The following EYA3 variants were observed in gnomAD, a reference collection of about 807,000 sequenced individuals.
The protein encoded by EYA3 is EYA transcriptional coactivator and phosphatase 3, also known as protein phosphatase EYA3.
A neutral mutation model predicts 80.0 loss-of-function variants in EYA3; 39 were observed. The ratio of observed to expected loss-of-function variants is 0.49; its 90% CI spans 0.38 to 0.64. EYA3 has a LOEUF of 0.64. Among genes scored for constraint, EYA3 ranks in the 30% least tolerant of loss-of-function variants. The probability of loss-of-function intolerance (pLI) is 0.00; values close to 1 mark genes in which losing one functional copy is unlikely to be tolerated. For missense variants in EYA3, 523 were observed against 676.1 expected (o/e 0.77, Z 2.51); for synonymous variants, 206 against 232.8 (o/e 0.88, Z 1.05).
chr1:27,997,422 G>A, intron 12 of EYA3, 44 bp from the exon 13 acceptor site: 2 of 1,503,746 alleles, frequency 1.3e-6, no homozygotes, highest in Non-Finnish European at 1.9e-6. Context: ...GGGAGTAGAA[G>A]TGATATTACC....
intron 5 of EYA3, among the ~76,000 whole-genome samples, chr1:28,038,179 A>T (rs1643556128): frequency 6.6e-6 from 1 of 152,142 alleles, no homozygotes; most frequent in Admixed American, 6.6e-5. Context: ...GTGATGGCTC[A>T]CGACTGTAAT....
intron 13 of EYA3, 58 bp from the exon 14 acceptor site, chr1:27,993,618 A>T: frequency 6.9e-7 from 1 of 1,453,140 alleles, no homozygotes; most frequent in Non-Finnish European, 9.1e-7. Flanking sequence ...TTTTTGTTTG[A>T]GTGCTATTTG....
At chr1:28,079,482 T>C (rs571984077) in intron 1 of EYA3, among the ~76,000 whole-genome samples, 5 of 152,314 alleles carry the variant, frequency 3.3e-5, no homozygotes, top group African/African-American at 1.2e-4. Flanking sequence ...TTTTGACTAG[T>C]TGCCAAGAAC....
At chr1:27,984,414 A>G (rs116437373) in intron 16 of EYA3, among the ~76,000 whole-genome samples, 1,992 of 151,516 alleles carry the variant, frequency 0.013, 44 homozygotes, top group African/African-American at 0.045. Flanking sequence ...CTATCTTTTG[A>G]TTCTTAAAAG....
At chr1:28,001,810 A>T (rs1403989219) in intron 11 of EYA3, among the ~76,000 whole-genome samples, 1 of 148,674 alleles carries the variant, frequency 6.7e-6, no homozygotes, top group Non-Finnish European at 1.5e-5. Context: ...GGCTCACTGC[A>T]ACCTCCACCT....
chr1:27,986,172 C>T (rs1639641030), intron 16 of EYA3, among the ~76,000 whole-genome samples: 1 of 151,800 alleles, frequency 6.6e-6, no homozygotes, highest in Non-Finnish European at 1.5e-5. Context: ...TCAAGACCAA[C>T]CTGACCAACA....
chr1:28,013,300 G>A lies in EYA3; in HGVS notation c.586-6C>T. On this transcript the variant is annotated splice_region_variant and splice_polypyrimidine_tract_variant and intron_variant, in intron 8 of 17. Transcript: ENST00000373871. The surrounding 1 kb of genome is among the most constrained non-coding windows in gnomAD (Gnocchi z 4.0). Reference sequence around the variant, plus strand: ...ATAGTATAGGTGGGATAATCCTGCAGGCCAAAGGAAATAAGAAAACAAGAC... The same window carrying A: ...ATAGTATAGGTGGGATAATCCTGCAAGCCAAAGGAAATAAGAAAACAAGAC... The A allele has an allele frequency of 6.3e-7, 1 of 1,595,890 alleles. No homozygotes were observed. Among genetic ancestry groups the A allele is most frequent in the Non-Finnish European group, 8.5e-7 (1 of 1,171,264 alleles).
chr1:28,056,589 T>G (rs894426010), intron 2 of EYA3, among the ~76,000 whole-genome samples: 5 of 152,242 alleles, frequency 3.3e-5, no homozygotes, highest in Non-Finnish European at 7.3e-5. Flanking sequence ...CAACCATTTA[T>G]AGTCAGCAGA....
At chr1:28,042,845 G>T (rs534852659) in intron 3 of EYA3, among the ~76,000 whole-genome samples, 195 bp from the exon 4 acceptor site, 5 of 151,678 alleles carry the variant, frequency 3.3e-5, no homozygotes, top group African/African-American at 9.7e-5. Flanking sequence ...GCATTCTACC[G>T]CTCTTTCTTT....
rs1412528045 is a variant in EYA3, at chr1:28,035,652, C to G, written c.253G>C (p.Val85Leu). 2 of 1,613,982 alleles carry G rather than the reference C, an allele frequency of 1.2e-6. No homozygotes were observed. Among genetic ancestry groups the G allele is most frequent in the South Asian group, 1.1e-5 (1 of 91,070 alleles). Residue 85 changes from valine to leucine, a missense_variant, in exon 6 of 18, where the codon GTT becomes CTT. By Grantham distance (32) the Val-to-Leu change is conservative. Coordinates refer to ENST00000373871, the MANE Select transcript of EYA3 (RefSeq NM_001990.4). Reference protein sequence around the residue: ...KPYAHILSVPVSETAYPGQTQ... With the variant: ...KPYAHILSVPLSETAYPGQTQ... ...TGTCCAGGGTAAGCAGTTTCCGAAA[C>G]AGGAACTGAGAGAATATGTGCATAA... is the stretch of plus-strand genomic sequence containing the variant.
intron 1 of EYA3, among the ~76,000 whole-genome samples, chr1:28,059,147 G>A (rs758293275): frequency 9.2e-5 from 14 of 152,074 alleles, no homozygotes; most frequent in African/African-American, 2.4e-4. Flanking sequence ...TTACTCTGTC[G>A]TGTTGCAATA....
Position 28,010,348 on chromosome 1 carries a change from G to A in EYA3, c.909+599C>T, listed in dbSNP as rs146043631. On this transcript the variant is annotated intron_variant, in intron 10 of 17. Transcript: ENST00000373871. ...TTAATAAGTTACCAGATCTGTTTGCGCCTTACAGAAACTTGGCTAAAAGCA... is the reference window on the plus strand; with the variant it reads ...TTAATAAGTTACCAGATCTGTTTGCACCTTACAGAAACTTGGCTAAAAGCA... Among the ~76,000 whole-genome samples, 1,045 of 152,102 alleles carry A rather than the reference G, an allele frequency of 6.9e-3. 5 individuals are homozygous for A. Among genetic ancestry groups the A allele is most frequent in the Non-Finnish European group, 0.01 (713 of 67,998 alleles).
At chr1:28,045,338 C>T (rs1053311810) in intron 3 of EYA3, among the ~76,000 whole-genome samples, 1 of 152,142 alleles carries the variant, frequency 6.6e-6, no homozygotes, top group Admixed American at 6.5e-5. Context: ...CCATCTCACA[C>T]CTACTTACAT....
At chr1:28,033,312 TAA>T (rs1468403968) in intron 6 of EYA3, among the ~76,000 whole-genome samples, 2 of 152,172 alleles carry the variant, frequency 1.3e-5, no homozygotes, top group African/African-American at 4.8e-5. Context: ...CAGTCACTTT[TAA>T]AAGTTTTACA....
At chr1:28,081,805 G>A (rs1645440153) in intron 1 of EYA3, among the ~76,000 whole-genome samples, 2 of 152,142 alleles carry the variant, frequency 1.3e-5, no homozygotes, top group African/African-American at 4.8e-5. Context: ...TAACGGTGCT[G>A]ATAGCAACTA....
intron 1 of EYA3, 138 bp from the exon 2 acceptor site, chr1:28,058,232 C>T (rs934978068): frequency 2.7e-5 from 11 of 413,620 alleles, no homozygotes; most frequent in South Asian, 1.4e-4. Context: ...CAAACCTGCA[C>T]GTGGCTTTTC....
chr1:28,086,852 G>A (rs181338002), intron 1 of EYA3, among the ~76,000 whole-genome samples: 6 of 152,322 alleles, frequency 3.9e-5, no homozygotes, highest in African/African-American at 1.4e-4. Flanking sequence ...AGTCCTGAAA[G>A]CCAATCAGAA....
chr1:27,987,600 A>G (rs1332448112), intron 16 of EYA3, among the ~76,000 whole-genome samples: 1 of 151,688 alleles, frequency 6.6e-6, no homozygotes, highest in East Asian at 1.9e-4. Context: ...ACAGGTATGC[A>G]CCACCGTGTC....
intron 1 of EYA3, among the ~76,000 whole-genome samples, chr1:28,064,635 CAA>C (rs1415797047): frequency 6.6e-6 from 1 of 151,934 alleles, no homozygotes; most frequent in African/African-American, 2.4e-5. Context: ...ATATAATACA[CAA>C]AGTTTTTAGT....
Sources: allele counts gnomAD v4.1 joint callset (sites outside exome capture counted in the v4.1 genomes callset), GRCh38; gene constraint gnomAD v4.1.1; non-coding constraint Gnocchi (gnomAD v3.1); transcripts MANE v1.5; gene names NCBI Gene and HGNC (gene_info 2026-07-23, HGNC 2026-07-21).